PPARGC1A: variants seen among roughly 807,000 people sequenced by gnomAD.
The protein encoded by PPARGC1A is peroxisome proliferator-activated receptor gamma coactivator 1-alpha.
PPARGC1A carries 25 observed loss-of-function variants against 88.7 expected under a neutral mutation model. That is an observed-to-expected ratio of 0.28 (90% confidence interval 0.21 to 0.39). The LOEUF (loss-of-function observed/expected upper bound fraction) is 0.39. Ranked by LOEUF, PPARGC1A falls within the 10% of genes least tolerant of loss-of-function variation. PPARGC1A has a pLI of 1.00. For missense variants in PPARGC1A, 880 were observed against 968.7 expected, an observed-to-expected ratio of 0.91 and a Z score of 1.22; for synonymous variants, 363 against 355.6, an observed-to-expected ratio of 1.02 and a Z score of -0.24.
At chr4:24,158,242 T>C in the PPARGC1A span, among the ~76,000 whole-genome samples, 1 of 152,162 alleles carries the variant, frequency 6.6e-6, no homozygotes, top group Non-Finnish European at 1.5e-5. Context: ...TTCCCTGCTG[T>C]TCTACCATGA....
chr4:24,000,227 T>C, the PPARGC1A span, among the ~76,000 whole-genome samples: 2 of 152,140 alleles, frequency 1.3e-5, no homozygotes, highest in African/African-American at 2.4e-5. Flanking sequence ...TCATCCTAGG[T>C]ATCACTTGAT....
At chr4:23,966,320 A>G in the PPARGC1A span, among the ~76,000 whole-genome samples, 3 of 152,186 alleles carry the variant, frequency 2.0e-5, no homozygotes, top group East Asian at 3.8e-4. Context: ...GCTGCCCAGT[A>G]TGGTAGCCAC....
At chr4:23,899,452 A>G (rs188606204), upstream of PPARGC1A, 5 of 152,348 alleles carry the variant, frequency 3.3e-5, no homozygotes, top group African/African-American at 1.2e-4. Context: ...ATCACACAAA[A>G]CTACAGCTAA....
the PPARGC1A span, among the ~76,000 whole-genome samples, chr4:24,085,851 A>G: frequency 2.0e-5 from 3 of 152,156 alleles, no homozygotes; most frequent in East Asian, 5.8e-4. Context: ...CTTGGGTCTC[A>G]GTCTCATGTA....
the PPARGC1A span, among the ~76,000 whole-genome samples, chr4:24,207,932 T>C: frequency 2.6e-5 from 4 of 152,190 alleles, no homozygotes; most frequent in Non-Finnish European, 5.9e-5. Flanking sequence ...GTTTCTGCCC[T>C]TCCATTGGCT....
At chr4:23,818,046 C>T (rs1010810179) in intron 7 of PPARGC1A, among the ~76,000 whole-genome samples, 2 of 152,160 alleles carry the variant, frequency 1.3e-5, no homozygotes, top group Non-Finnish European at 2.9e-5. Flanking sequence ...AGTGCTCAAT[C>T]CCTTGATGCC....
chr4:24,153,462 T>A, the PPARGC1A span, among the ~76,000 whole-genome samples: 1 of 146,480 alleles, frequency 6.8e-6, no homozygotes, highest in South Asian at 2.2e-4. Flanking sequence ...TCCTCTAGGA[T>A]TTCTTTATAA....
At chr4:23,831,481 G>A in intron 3 of PPARGC1A, 76 bp downstream of exon 3, 1 of 1,320,796 alleles carries the variant, frequency 7.6e-7, no homozygotes, top group Non-Finnish European at 1.1e-6. Context: ...AAACCTTATT[G>A]TGACTACATC....
chr4:23,874,735 A>C (rs752161477), intron 2 of PPARGC1A, among the ~76,000 whole-genome samples: 21 of 152,344 alleles, frequency 1.4e-4, no homozygotes, highest in Non-Finnish European at 2.6e-4. Context: ...CAGGTGCCTG[A>C]GAACAGGACA....
the PPARGC1A span, among the ~76,000 whole-genome samples, chr4:24,393,646 A>G: frequency 5.9e-5 from 9 of 152,350 alleles, no homozygotes; most frequent in African/African-American, 2.2e-4. Context: ...ATGGGCAAAC[A>G]CACAGAGAAG....
the PPARGC1A span, among the ~76,000 whole-genome samples, chr4:24,458,055 G>T: frequency 2.6e-5 from 4 of 152,186 alleles, no homozygotes; most frequent in Non-Finnish European, 5.9e-5. Flanking sequence ...TAAACTATTT[G>T]CTTGGATCCC....
chr4:23,829,604 A>G lies in PPARGC1A; in HGVS notation c.430-19T>C, dbSNP rs751412739. ...TCTTAAGCTAGAAACATTATCAGGG[A>G]AAGGGAAAAGCAAGTAAAGTTATGC... On this transcript the variant is annotated intron_variant, in intron 3 of 12. Transcript: ENST00000264867. The G allele has an allele frequency of 6.2e-7, 1 of 1,604,650 alleles. No individual in the cohort carries two copies. Among genetic ancestry groups the G allele is most frequent in the East Asian group, 2.2e-5 (1 of 44,780 alleles).
intron 2 of PPARGC1A, 95 bp downstream of exon 2, chr4:23,884,657 A>G (rs775462240): frequency 3.7e-6 from 4 of 1,077,226 alleles, no homozygotes; most frequent in Non-Finnish European, 5.1e-6. Context: ...ATGATAGCAA[A>G]GTAAGAACTC....
the PPARGC1A span, among the ~76,000 whole-genome samples, chr4:24,333,844 G>A: frequency 1.4e-5 from 2 of 146,864 alleles, no homozygotes; most frequent in Non-Finnish European, 3.0e-5. Context: ...TGAGGCAGGA[G>A]AATCTCTTAA....
the PPARGC1A span, among the ~76,000 whole-genome samples, chr4:24,193,682 T>C: frequency 1.3e-5 from 2 of 152,184 alleles, no homozygotes. Flanking sequence ...CAAGTCAATT[T>C]CTTCCTGGGT....
At chr4:24,162,509 T>C in the PPARGC1A span, among the ~76,000 whole-genome samples, 3 of 152,120 alleles carry the variant, frequency 2.0e-5, no homozygotes, top group Admixed American at 6.5e-5. Context: ...AGAGTTAATA[T>C]TGGCTATATT....
At position 23,814,235 on chromosome 4, in the gene PPARGC1A, G is replaced by A; in HGVS notation, c.1248C>T (p.Ser416=). ...AACAAATCTGCCCCTGCCAATCAGAGGAGACATCTTTATTTTCTAGTTGTC... is the reference window on the plus strand; with the variant it reads ...AACAAATCTGCCCCTGCCAATCAGAAGAGACATCTTTATTTTCTAGTTGTC... ...DSRQLENKDV[S]SDWQGQICSS... is the part of the protein sequence containing the mutation. The change falls in exon 8 of 13, where the codon TCC becomes TCT. Residue 416 remains serine (S), a synonymous_variant. Coordinates refer to ENST00000264867, the MANE Select transcript of PPARGC1A (RefSeq NM_013261.5). 9 of 1,614,066 alleles carry A rather than the reference G, an allele frequency of 5.6e-6. No individual in the cohort carries two copies. The highest frequency in any genetic ancestry group is 6.8e-6 in the Non-Finnish European group (8 of 1,179,994).
rs768444637 is a variant in PPARGC1A at position 23,828,610 on chromosome 4, A to G, written c.553-6T>C. 1 of 1,613,780 alleles carries G rather than the reference A, an allele frequency of 6.2e-7. No homozygotes were observed. The highest frequency in any genetic ancestry group is 8.5e-7 in the Non-Finnish European group (1 of 1,179,772). On this transcript the variant is annotated splice_region_variant and splice_polypyrimidine_tract_variant and intron_variant, in intron 4 of 12. Coordinates refer to ENST00000264867, the MANE Select transcript of PPARGC1A (RefSeq NM_013261.5). Reference sequence around the variant, plus strand: ...TTGCTCCATGAATTCTCAGTCTTAAAAACAAGGCATAAAGAAAGCTAAAAT... The same window carrying G: ...TTGCTCCATGAATTCTCAGTCTTAAGAACAAGGCATAAAGAAAGCTAAAAT...
At chr4:24,027,783 T>C in the PPARGC1A span, among the ~76,000 whole-genome samples, 2 of 152,190 alleles carry the variant, frequency 1.3e-5, no homozygotes, top group African/African-American at 4.8e-5. Context: ...ATCATTAAGG[T>C]GCATTGTTTT....
Sources: gnomAD v4.1 joint callset for allele counts (sites outside exome capture counted in the v4.1 genomes callset) on GRCh38, gnomAD v4.1.1 for gene constraint, MANE v1.5 for transcripts, NCBI Gene and HGNC (gene_info 2026-07-23, HGNC 2026-07-21) for gene names.